ZEB2: variants seen among roughly 807,000 people sequenced by gnomAD.
ZEB2 encodes the protein zinc finger E-box-binding homeobox 2.
Under a neutral mutation model 99.9 loss-of-function variants are expected in ZEB2, and 6 were observed. The ratio of observed to expected loss-of-function variants is 0.06; its 90% CI spans 0.03 to 0.12. ZEB2 has a LOEUF of 0.12. Among genes scored for constraint, ZEB2 ranks in the 10% least tolerant of loss-of-function variants. The probability of loss-of-function intolerance (pLI) is 1.00; values close to 1 mark genes in which losing one functional copy is unlikely to be tolerated. For missense variants in ZEB2, 969 were observed against 1,502.8 expected (o/e 0.64, Z 5.87); for synonymous variants, 517 against 542.5 (o/e 0.95, Z 0.65).
chr2:144,443,359 CA>C (rs1703940398), intron 2 of ZEB2, among the ~76,000 whole-genome samples: 2 of 152,090 alleles, frequency 1.3e-5, no homozygotes, highest in Admixed American at 1.3e-4. Context: ...TAAGTATATG[CA>C]AATTCCAATG....
intron 2 of ZEB2, chr2:144,495,762 T>G (rs1704748907): frequency 6.6e-6 from 1 of 152,260 alleles, no homozygotes; most frequent in Non-Finnish European, 1.5e-5. Context: ...CCAGTTACAC[T>G]GCACTTGCAC....
intron 2 of ZEB2, among the ~76,000 whole-genome samples, chr2:144,469,730 T>C (rs192390867): frequency 1.4e-3 from 216 of 152,298 alleles, no homozygotes; most frequent in African/African-American, 4.9e-3. Context: ...AAAATGATCA[T>C]TAATTTGCTC....
chr2:144,447,760 C>G (rs1052571190), intron 2 of ZEB2, among the ~76,000 whole-genome samples: 1 of 152,146 alleles, frequency 6.6e-6, no homozygotes, highest in Non-Finnish European at 1.5e-5. Flanking sequence ...TTTCAGGGCC[C>G]AACTTCAAAT....
At chr2:144,392,697 ACATT>A (rs1326839391) in intron 9 of ZEB2, among the ~76,000 whole-genome samples, 4 of 152,218 alleles carry the variant, frequency 2.6e-5, no homozygotes, top group African/African-American at 9.6e-5. Flanking sequence ...ACTGACTTGG[ACATT>A]CATCTCTTTT....
chr2:144,434,499 G>A (rs1703812574), intron 2 of ZEB2, among the ~76,000 whole-genome samples: 2 of 152,110 alleles, frequency 1.3e-5, no homozygotes, highest in Admixed American at 1.3e-4. Flanking sequence ...TAGCAAAGCC[G>A]GTACCAGAAA....
At chr2:144,416,607 G>T (rs959912204) in intron 4 of ZEB2, among the ~76,000 whole-genome samples, 1 of 152,230 alleles carries the variant, frequency 6.6e-6, no homozygotes, top group East Asian at 1.9e-4. Flanking sequence ...TCATCATTCT[G>T]TCTTCTTCTT....
chr2:144,396,346 C>A (rs1214183750), intron 9 of ZEB2, 66 bp downstream of exon 9: 1 of 1,567,772 alleles, frequency 6.4e-7, no homozygotes, highest in East Asian at 2.2e-5. Flanking sequence ...CAAGTGTGCT[C>A]ATTAAATATT....
chr2:144,443,015 A>G (rs1299387231), intron 2 of ZEB2, among the ~76,000 whole-genome samples: 1 of 152,262 alleles, frequency 6.6e-6, no homozygotes, highest in East Asian at 1.9e-4. Flanking sequence ...ACTTTCTGAA[A>G]TGTTAATGCA....
intron 2 of ZEB2, among the ~76,000 whole-genome samples, chr2:144,438,093 TAAAG>T (rs1156582156): frequency 6.6e-6 from 1 of 152,222 alleles, no homozygotes; most frequent in Non-Finnish European, 1.5e-5. Context: ...GCTTGTCTCT[TAAAG>T]AAATATTTTT....
Position 144,519,929 on chromosome 2 carries a change from A to G in ZEB2, c.-70+10T>C, listed in dbSNP as rs1360517075. 6.7e-6 allele frequency: 3 copies of G among 446,026 alleles called. No individual in the cohort carries two copies. Among genetic ancestry groups the G allele is most frequent in the South Asian group, 1.6e-5 (1 of 62,930 alleles). The allele number at this position is 446,026 out of a possible 1,614,324, so 27.6% of individuals were successfully genotyped here. On this transcript the variant is annotated intron_variant, in intron 1 of 9. Transcript: ENST00000627532. ...TAAAAAGAGAGAAAAGGGGAGGAAA[A>G]AAAACCTACCTGCGAAGTCTTGTTT...
chr2:144,385,019 A>C lies in ZEB2; in HGVS notation c.*4432T>G, dbSNP rs1005381229. On this transcript the variant is annotated 3_prime_UTR_variant, in exon 10 of 10. Coordinates refer to ENST00000627532, the MANE Select transcript of ZEB2 (RefSeq NM_014795.4). ...TGTGATGTGTTCACATATATGTCAT[A>C]ATATTTATTAATATATAGAATGATC... is the stretch of plus-strand genomic sequence containing the variant. 2.0e-5 allele frequency: 3 copies of C among 151,766 alleles called. No individual in the cohort carries two copies. The highest frequency in any genetic ancestry group is 7.2e-5 in the African/African-American group (3 of 41,426). 9.4% of individuals were successfully genotyped at this position (151,766 alleles called of 1,614,324 possible).
At position 144,384,255 on chromosome 2, in the gene ZEB2, C is replaced by A; in HGVS notation, c.*5196G>T. On this transcript the variant is annotated 3_prime_UTR_variant, in exon 10 of 10. Transcript: ENST00000627532. The stretch of plus-strand genomic sequence containing the variant: ...GTCATGCTAGATTATAGGTAGTAGG[C>A]GACTCGTTTAATAGAGAAAGTTTTA... 6.6e-6 allele frequency: 1 copy of A among 151,388 alleles called. No homozygotes were observed. The highest frequency in any genetic ancestry group is 1.9e-4 in the East Asian group (1 of 5,154). 9.4% of individuals were successfully genotyped at this position (151,388 alleles called of 1,614,324 possible). A position where few individuals can be genotyped will look rare whatever the true frequency, so the allele number is the denominator to read the frequency against.
rs1704798710 is a variant in ZEB2, at chr2:144,497,971, T to C, written c.73+19307A>G. ...TATTATATAATATATATTAATATTA[T>C]ATATTATATAATATATTAATATTAT... On this transcript the variant is annotated intron_variant, in intron 2 of 9. Transcript: ENST00000627532. Among the ~76,000 whole-genome samples, 2 of 1,944 alleles carry C rather than the reference T, an allele frequency of 1.0e-3. 1 individual carries two copies. Among genetic ancestry groups the C allele is most frequent in the Non-Finnish European group, 2.0e-3 (2 of 1,006 alleles). The allele number at this position is 1,944 out of a possible 152,430, so 1.3% of individuals were successfully genotyped here.
chr2:144,388,824 C>T lies in ZEB2; in HGVS notation c.*627G>A. ...ATTTCTCATCTTACTTTTTCCTTCACGTCCAGGTCACTTTAAGACTTCGGT... is the reference window on the plus strand; with the variant it reads ...ATTTCTCATCTTACTTTTTCCTTCATGTCCAGGTCACTTTAAGACTTCGGT... On this transcript the variant is annotated 3_prime_UTR_variant, in exon 10 of 10. Coordinates refer to ENST00000627532, the MANE Select transcript of ZEB2 (RefSeq NM_014795.4). This position sits in a 1 kb window ranked among gnomAD's most constrained non-coding sequence, Gnocchi z 5.4. 1 of 441,458 alleles carries T rather than the reference C, an allele frequency of 2.3e-6. No homozygotes were observed. Among genetic ancestry groups the T allele is most frequent in the East Asian group, 7.2e-5 (1 of 13,922 alleles). The allele number at this position is 441,458 out of a possible 1,614,324, so 27.3% of individuals were successfully genotyped here.
chr2:144,472,920 T>G (rs761329553), intron 2 of ZEB2, among the ~76,000 whole-genome samples: 4 of 152,058 alleles, frequency 2.6e-5, no homozygotes, highest in Non-Finnish European at 5.9e-5. Flanking sequence ...TAGAAGCCAG[T>G]CCAGAGAGCA....
At chr2:144,516,392 C>G (rs1399162403) in intron 2 of ZEB2, 1 of 146,734 alleles carries the variant, frequency 6.8e-6, no homozygotes, top group African/African-American at 2.5e-5. Flanking sequence ...TGTCCCCCCG[C>G]GTCCCTTCTC....
intron 2 of ZEB2, chr2:144,470,502 T>C (rs952807905): frequency 6.6e-6 from 1 of 152,196 alleles, no homozygotes; most frequent in African/African-American, 2.4e-5. Flanking sequence ...AGTCAGTCTG[T>C]AGAAAGATGA....
intron 2 of ZEB2, among the ~76,000 whole-genome samples, chr2:144,432,761 C>T (rs1228312535): frequency 6.6e-6 from 1 of 152,094 alleles, no homozygotes; most frequent in Non-Finnish European, 1.5e-5. Flanking sequence ...CCCATTTGGA[C>T]CTGTTTTGAT....
At chr2:144,496,350 T>C (rs1704758086) in intron 2 of ZEB2, 1 of 152,236 alleles carries the variant, frequency 6.6e-6, no homozygotes, top group African/African-American at 2.4e-5. Flanking sequence ...ACTGTCTCTT[T>C]CCAAACTCTC....
Sources: allele counts gnomAD v4.1 joint callset (sites outside exome capture counted in the v4.1 genomes callset), GRCh38; gene constraint gnomAD v4.1.1; non-coding constraint Gnocchi (gnomAD v3.1); transcripts MANE v1.5; gene names NCBI Gene and HGNC (gene_info 2026-07-23, HGNC 2026-07-21).